The following EARS2 variants were observed in gnomAD, a reference collection of about 807,000 sequenced individuals.
EARS2 encodes nondiscriminating glutamyl-tRNA synthetase EARS2, mitochondrial.
Under a neutral mutation model 54.1 loss-of-function variants are expected in EARS2, and 50 were observed. The ratio of observed to expected loss-of-function variants is 0.92; its 90% CI spans 0.74 to 1.17. EARS2 has a LOEUF of 1.17. EARS2 is among the 50% of genes most tolerant of loss of function. EARS2 has a pLI of 0.00. For missense variants in EARS2, 673 were observed against 675.0 expected, an observed-to-expected ratio of 1.00 and a Z score of 0.03; for synonymous variants, 298 against 281.0, an observed-to-expected ratio of 1.06 and a Z score of -0.61.
intron 5 of EARS2, 133 bp from the exon 6 acceptor site, chr16:23,530,030 A>G: frequency 9.2e-7 from 1 of 1,089,146 alleles, no homozygotes; most frequent in Admixed American, 2.7e-5. Context: ...GCAAGCTAGA[A>G]GAATCTCTTC....
intron 8 of EARS2, 38 bp downstream of exon 8, chr16:23,525,206 G>A (rs774660210): frequency 6.2e-7 from 1 of 1,614,002 alleles, no homozygotes; most frequent in Non-Finnish European, 8.5e-7. Flanking sequence ...ATCAATGAGG[G>A]GCTCCAGGGA....
intron 3 of EARS2, among the ~76,000 whole-genome samples, chr16:23,539,376 C>T (rs1016105830): frequency 6.6e-6 from 1 of 152,080 alleles, no homozygotes; most frequent in Non-Finnish European, 1.5e-5. Flanking sequence ...AATGTCTAGG[C>T]TTGACTTTTC....
rs1005647652 is a variant in EARS2 at position 23,521,468 on chromosome 16, T to C, written c.*2903A>G. Among the ~76,000 whole-genome samples, 1 of 152,044 alleles carries C rather than the reference T, an allele frequency of 6.6e-6. No individual in the cohort carries two copies. On this transcript the variant is annotated 3_prime_UTR_variant, in exon 9 of 9. Transcript: ENST00000449606. Reference sequence around the variant, plus strand: ...AGGTTAGAGTGCAGTAGTGCATTCATAGCTCACTGCAGCCTTAACGCCTCA... The same window carrying C: ...AGGTTAGAGTGCAGTAGTGCATTCACAGCTCACTGCAGCCTTAACGCCTCA...
chr16:23,525,923 G>C (rs1228598763), intron 7 of EARS2, among the ~76,000 whole-genome samples: 1 of 151,206 alleles, frequency 6.6e-6, no homozygotes, highest in Admixed American at 6.6e-5. Flanking sequence ...GCTTGAACCT[G>C]GGAGGAGGAG....
At chr16:23,544,877 T>C (rs922752925) in intron 2 of EARS2, 174 bp from the exon 3 acceptor site, 6 of 581,846 alleles carry the variant, frequency 1.0e-5, no homozygotes, top group African/African-American at 9.5e-5. Flanking sequence ...CTTGCTCTGA[T>C]GTCGCCAAGG....
intron 5 of EARS2, among the ~76,000 whole-genome samples, chr16:23,530,896 AT>A (rs35956690): frequency 0.18 from 26,267 of 143,280 alleles, 2,334 homozygotes; most frequent in East Asian, 0.29. Flanking sequence ...AGAAAGAGGC[AT>A]TTTTTTTTTT....
chr16:23,533,423 T>C (rs1965359289), intron 4 of EARS2, among the ~76,000 whole-genome samples: 1 of 151,950 alleles, frequency 6.6e-6, no homozygotes, highest in African/African-American at 2.4e-5. Context: ...ATTACAGACA[T>C]GAGCCACTGT....
At chr16:23,540,152 T>TCAAAA (rs899667778) in intron 3 of EARS2, among the ~76,000 whole-genome samples, 1 of 151,938 alleles carries the variant, frequency 6.6e-6, no homozygotes, top group Non-Finnish European at 1.5e-5. Context: ...AGACCCCATC[T>TCAAAA]CAAAACAAAA....
Position 23,521,115 on chromosome 16 carries a change from T to C in EARS2, c.*3256A>G, listed in dbSNP as rs1461261312. Among the ~76,000 whole-genome samples the C allele has an allele frequency of 1.3e-5, 2 of 152,212 alleles. No individual in the cohort carries two copies. Among genetic ancestry groups the C allele is most frequent in the Admixed American group, 6.5e-5 (1 of 15,276 alleles). On this transcript the variant is annotated 3_prime_UTR_variant, in exon 9 of 9. Coordinates refer to ENST00000449606, the MANE Select transcript of EARS2 (RefSeq NM_001083614.2). Reference sequence around the variant, plus strand: ...CTCTAATTTAGTATTTTTTAAAAACTGTGGTAAAATACAGAAAAATATAAA... The same window carrying C: ...CTCTAATTTAGTATTTTTTAAAAACCGTGGTAAAATACAGAAAAATATAAA...
chr16:23,537,380 T>C (rs1965438429), intron 3 of EARS2: 1 of 152,922 alleles, frequency 6.5e-6, no homozygotes, highest in Non-Finnish European at 1.5e-5. Context: ...TACAGGCCAC[T>C]GTACTCAGCT....
chr16:23,533,418 A>C (rs888687950), intron 4 of EARS2, among the ~76,000 whole-genome samples: 1 of 152,188 alleles, frequency 6.6e-6, no homozygotes, highest in East Asian at 1.9e-4. Context: ...CTGGGATTAC[A>C]GACATGAGCC....
At position 23,544,660 on chromosome 16, in the gene EARS2, C is replaced by G. The variant is rs1379728377; in HGVS notation, c.339G>C (p.Gly113=). Residue 113 remains glycine (G), a synonymous_variant, in exon 3 of 9, where the codon GGG becomes GGC. Coordinates refer to ENST00000449606, the MANE Select transcript of EARS2 (RefSeq NM_001083614.2). The stretch of plus-strand genomic sequence containing the variant: ...CCAACCGCTGAGATTGCTGGTAGGG[C>G]CCAGCAGGACCGCCCCGGCGGGGGC... ...DESPRRGGPA[G]PYQQSQRLEL... 14 of 1,609,660 alleles carry G rather than the reference C, an allele frequency of 8.7e-6. No homozygotes were observed. Among genetic ancestry groups the G allele is most frequent in the Non-Finnish European group, 1.2e-5 (14 of 1,178,718 alleles).
intron 1 of EARS2, chr16:23,556,641 G>A: frequency 3.1e-6 from 1 of 323,698 alleles, no homozygotes; most frequent in South Asian, 2.5e-5. Context: ...TTACAAGCGT[G>A]AGCCACCGCG....
intron 2 of EARS2, among the ~76,000 whole-genome samples, chr16:23,546,140 A>C (rs1180473770): frequency 6.6e-6 from 1 of 152,202 alleles, no homozygotes; most frequent in South Asian, 2.1e-4. Context: ...ATGCTATAGA[A>C]TAGATTAAAT....
rs13330451 is a variant in EARS2 at position 23,525,548 on chromosome 16, G to A, written c.1353-169C>T. On this transcript the variant is annotated intron_variant, in intron 7 of 8. Coordinates refer to ENST00000449606, the MANE Select transcript of EARS2 (RefSeq NM_001083614.2). ...ATTGACCACTTTCTCCCTTATCCAGGTCGGGAAGGAAAAACCACCAAGGGA... is the reference window on the plus strand; with the variant it reads ...ATTGACCACTTTCTCCCTTATCCAGATCGGGAAGGAAAAACCACCAAGGGA... 3.4e-3 allele frequency among the ~76,000 whole-genome samples: 511 copies of A among 152,248 alleles called. 2 individuals carry two copies. Among genetic ancestry groups the A allele is most frequent in the African/African-American group, 0.012 (482 of 41,540 alleles).
intron 1 of EARS2, 21 bp downstream of exon 1, chr16:23,557,184 C>G: frequency 6.6e-7 from 1 of 1,505,556 alleles, no homozygotes; most frequent in Non-Finnish European, 8.8e-7. Context: ...CGGCCTGTAG[C>G]GTCACGTCCG....
At chr16:23,552,109 T>G in intron 2 of EARS2, 40 bp downstream of exon 2, 3 of 1,602,590 alleles carry the variant, frequency 1.9e-6, no homozygotes, top group Non-Finnish European at 2.6e-6. Context: ...CTGCTTCCTG[T>G]TCCTTCCCTG....
At position 23,524,429 on chromosome 16, in the gene EARS2, A is replaced by G. The variant is rs1427556393; in HGVS notation, c.1514T>C (p.Met505Thr). ...QQQGPPVAEM[M>T]LALGPKEVRE... ...TACTTCCTTTGGTCCCAAGGCCAAC[A>G]TCATCTCAGCTACAGGAGGTCCTTG... The change falls in exon 9 of 9, where the codon ATG (methionine) becomes ACG (threonine). Residue 505 changes from methionine to threonine, a missense_variant. Physicochemically the swap from Met to Thr is moderately conservative, Grantham distance 81. Transcript: ENST00000449606. 1.2e-6 allele frequency: 2 copies of G among 1,614,044 alleles called. No individual in the cohort carries two copies. Among genetic ancestry groups the G allele is most frequent in the East Asian group, 4.5e-5 (2 of 44,894 alleles).
Position 23,525,722 on chromosome 16 carries a change from G to A in EARS2, c.1353-343C>T, listed in dbSNP as rs532087611. On this transcript the variant is annotated intron_variant, in intron 7 of 8. Transcript: ENST00000449606. ...GAGAATAATAGTATCTGAGGCTGGC[G>A]CAGTGGCTCACACCTGTAATCCCAG... 1.1e-4 allele frequency among the ~76,000 whole-genome samples: 17 copies of A among 152,188 alleles called. No individual in the cohort carries two copies. In the East Asian group the frequency reaches 1.7e-3, roughly 16 times the overall value.
Sources: allele counts gnomAD v4.1 joint callset (sites outside exome capture counted in the v4.1 genomes callset), GRCh38; gene constraint gnomAD v4.1.1; transcripts MANE v1.5; gene names NCBI Gene and HGNC (gene_info 2026-07-23, HGNC 2026-07-21).